PEBP4: variants seen among roughly 807,000 people sequenced by gnomAD.
PEBP4 encodes the protein phosphatidylethanolamine-binding protein 4.
Under a neutral mutation model 23.9 loss-of-function variants are expected in PEBP4, and 22 were observed. That is an observed-to-expected ratio of 0.92 (90% CI 0.66 to 1.31). PEBP4 has a LOEUF of 1.31. Ranked by LOEUF, PEBP4 falls within the 40% of genes most tolerant of loss-of-function variation. The pLI is 0.00. For synonymous variants in PEBP4, 112 were observed against 99.3 expected, an observed-to-expected ratio of 1.13 and a Z score of -0.76; for missense variants, 324 against 281.7, an observed-to-expected ratio of 1.15 and a Z score of -1.07.
intron 4 of PEBP4, among the ~76,000 whole-genome samples, chr8:22,733,715 T>C (rs1804786904): frequency 6.6e-6 from 1 of 151,442 alleles, no homozygotes; most frequent in Non-Finnish European, 1.5e-5. Flanking sequence ...ATCTTCTGCC[T>C]GGGTGCAAAC....
upstream of PEBP4, among the ~76,000 whole-genome samples, chr8:22,928,445 C>T (rs370834912): frequency 1.3e-5 from 2 of 150,930 alleles, no homozygotes; most frequent in East Asian, 3.9e-4. Flanking sequence ...CCAAAATAAT[C>T]GTATCTGGAG....
chr8:22,897,176 T>A (rs971268427), intron 3 of PEBP4, among the ~76,000 whole-genome samples: 1 of 152,116 alleles, frequency 6.6e-6, no homozygotes, highest in Non-Finnish European at 1.5e-5. Context: ...ATTGAGAAAA[T>A]ACAGCCCCTT....
intron 4 of PEBP4, among the ~76,000 whole-genome samples, chr8:22,736,672 A>G (rs1319833599): frequency 6.6e-6 from 1 of 152,202 alleles, no homozygotes; most frequent in African/African-American, 2.4e-5. Flanking sequence ...GCTAAATGTG[A>G]TTACTATGCA....
chr8:22,936,814 A>G (rs1809547123), intron 1 of PEBP4, among the ~76,000 whole-genome samples: 1 of 152,230 alleles, frequency 6.6e-6, no homozygotes, highest in Non-Finnish European at 1.5e-5. Flanking sequence ...AAAACCAATC[A>G]ACATAATACC....
Position 22,817,757 on chromosome 8 carries a change from G to A in PEBP4, c.259-22C>T, listed in dbSNP as rs541482288. Reference sequence around the variant, plus strand: ...CGCCCTGTAACACATGTACCGAAAAGTAATGTAGCGTCATGGCTGAAATAG... The same window carrying A: ...CGCCCTGTAACACATGTACCGAAAAATAATGTAGCGTCATGGCTGAAATAG... On this transcript the variant is annotated intron_variant, in intron 3 of 6. Transcript: ENST00000256404. 138 of 1,601,100 alleles carry A rather than the reference G, an allele frequency of 8.6e-5. No individual in the cohort carries two copies. The South Asian group carries it at 1.5e-3, about 17-fold the overall frequency.
chr8:22,840,544 G>C lies in PEBP4; in HGVS notation c.259-22809C>G, dbSNP rs554879576. 3.4e-4 allele frequency among the ~76,000 whole-genome samples: 52 copies of C among 151,906 alleles called. No homozygotes were observed. The South Asian group carries it at 0.011, about 32-fold the overall frequency. The stretch of plus-strand genomic sequence containing the variant: ...GACATAAGCCACCGTGCCCAGCCTT[G>C]GTTCTTTTGTTAGGGAATTGGAAGG... On this transcript the variant is annotated intron_variant, in intron 3 of 6. Coordinates refer to ENST00000256404, the MANE Select transcript of PEBP4 (RefSeq NM_144962.3).
chr8:22,802,094 C>G (rs1160399400), intron 4 of PEBP4, among the ~76,000 whole-genome samples: 1 of 152,338 alleles, frequency 6.6e-6, no homozygotes, highest in South Asian at 2.1e-4. Context: ...CCCAGCATCT[C>G]CAGATTCTTC....
intron 3 of PEBP4, among the ~76,000 whole-genome samples, chr8:22,870,581 G>A (rs1807987863): frequency 6.6e-6 from 1 of 152,154 alleles, no homozygotes; most frequent in Non-Finnish European, 1.5e-5. Flanking sequence ...TGTAAAGTAT[G>A]GGCGTTGGGT....
chr8:22,917,111 T>G (rs1297342393), intron 3 of PEBP4, among the ~76,000 whole-genome samples: 4 of 122,374 alleles, frequency 3.3e-5, no homozygotes, highest in Admixed American at 8.3e-5. Context: ...GGCTTTGGAG[T>G]TTGCTGGGGG....
At chr8:22,755,408 T>A (rs966278305) in intron 4 of PEBP4, among the ~76,000 whole-genome samples, 1 of 143,164 alleles carries the variant, frequency 7.0e-6, no homozygotes, top group African/African-American at 2.6e-5. Flanking sequence ...TGATCTCGGC[T>A]CATTGCAACC....
chr8:22,729,250 C>G (rs1356375930), intron 4 of PEBP4, among the ~76,000 whole-genome samples: 1 of 152,258 alleles, frequency 6.6e-6, no homozygotes, highest in African/African-American at 2.4e-5. Flanking sequence ...GCCACCCGAG[C>G]AAGATGGAGA....
At chr8:22,743,099 C>T (rs1309338136) in intron 4 of PEBP4, among the ~76,000 whole-genome samples, 1 of 152,186 alleles carries the variant, frequency 6.6e-6, no homozygotes. Flanking sequence ...AGTGCCCAGG[C>T]CTCTTATGCC....
chr8:22,913,144 T>G (rs1262590830), intron 3 of PEBP4, among the ~76,000 whole-genome samples: 2 of 152,224 alleles, frequency 1.3e-5, no homozygotes, highest in Non-Finnish European at 2.9e-5. Context: ...CGGCACCAAA[T>G]ACAGTGGCAT....
chr8:22,913,128 G>C (rs1018732038), intron 3 of PEBP4, among the ~76,000 whole-genome samples: 2 of 152,186 alleles, frequency 1.3e-5, no homozygotes, highest in African/African-American at 2.4e-5. Flanking sequence ...ACTCCAGTTA[G>C]GTGCTCGGCA....
At chr8:22,859,175 G>A (rs555382461) in intron 3 of PEBP4, among the ~76,000 whole-genome samples, 146 of 152,198 alleles carry the variant, frequency 9.6e-4, no homozygotes, top group Middle Eastern at 6.8e-3. Context: ...AGCAAACTAC[G>A]GCAGCACCTA....
At position 22,847,975 on chromosome 8, in the gene PEBP4, C is replaced by G. The variant is rs145107336; in HGVS notation, c.259-30240G>C. On this transcript the variant is annotated intron_variant, in intron 3 of 6. Transcript: ENST00000256404. Reference sequence around the variant, plus strand: ...CTTTAAATGCCTAAACATTTTAAAACAAACCTTACAACACAAGGCTTTTAA... The same window carrying G: ...CTTTAAATGCCTAAACATTTTAAAAGAAACCTTACAACACAAGGCTTTTAA... Among the ~76,000 whole-genome samples, 479 of 152,282 alleles carry G rather than the reference C, an allele frequency of 3.1e-3. 8 individuals are homozygous for G. The highest frequency in any genetic ancestry group is 8.7e-3 in the East Asian group (45 of 5,190).
At chr8:22,739,479 G>T (rs1261531384) in intron 4 of PEBP4, among the ~76,000 whole-genome samples, 4 of 152,140 alleles carry the variant, frequency 2.6e-5, no homozygotes, top group African/African-American at 4.8e-5. Context: ...AGGAGGAAGC[G>T]AGGGGACCAA....
At chr8:22,806,819 T>C (rs1806504762) in intron 4 of PEBP4, among the ~76,000 whole-genome samples, 1 of 152,162 alleles carries the variant, frequency 6.6e-6, no homozygotes, top group Non-Finnish European at 1.5e-5. Context: ...GTTACCACAA[T>C]TGACTTGTTC....
chr8:22,904,161 C>T (rs1259390870), intron 3 of PEBP4, among the ~76,000 whole-genome samples: 1 of 152,196 alleles, frequency 6.6e-6, no homozygotes, highest in African/African-American at 2.4e-5. Flanking sequence ...CTTAGAGAAG[C>T]AGCAGGCTGC....
Sources: allele counts gnomAD v4.1 joint callset (sites outside exome capture counted in the v4.1 genomes callset), GRCh38; gene constraint gnomAD v4.1.1; transcripts MANE v1.5; gene names NCBI Gene and HGNC (gene_info 2026-07-23, HGNC 2026-07-21).